The following SPOCK3 variants were observed in gnomAD, a reference collection of about 807,000 sequenced individuals.
SPOCK3 encodes testican-3.
Under a neutral mutation model 56.6 loss-of-function variants are expected in SPOCK3, and 30 were observed. The ratio of observed to expected loss-of-function variants is 0.53; its 90% CI spans 0.40 to 0.72. The LOEUF (loss-of-function observed/expected upper bound fraction) is 0.72. Among genes scored for constraint, SPOCK3 ranks in the 30% least tolerant of loss-of-function variants. The probability of loss-of-function intolerance (pLI) is 0.00; values close to 1 mark genes in which losing one functional copy is unlikely to be tolerated. For synonymous variants in SPOCK3, 196 were observed against 183.3 expected (o/e 1.07, Z -0.56); for missense variants, 527 against 530.0 (o/e 0.99, Z 0.06).
At chr4:166,997,949 C>T (rs1299229295) in intron 4 of SPOCK3, among the ~76,000 whole-genome samples, 2 of 152,132 alleles carry the variant, frequency 1.3e-5, no homozygotes, top group Non-Finnish European at 2.9e-5. Flanking sequence ...ATTAAGCCGT[C>T]TTTCCCTGCT....
chr4:167,007,823 G>A (rs1016856591), intron 3 of SPOCK3, among the ~76,000 whole-genome samples: 5 of 152,032 alleles, frequency 3.3e-5, no homozygotes, highest in African/African-American at 9.7e-5. Flanking sequence ...TCCTCCTCTC[G>A]TGAGTGAAGG....
Position 167,194,350 on chromosome 4 carries a change from T to C in SPOCK3, c.189+39635A>G, listed in dbSNP as rs577287862. ...TTTGTTTAGTTGCCTACATGCATTC[T>C]CTTGCATCTCATTGAGATGAAAGAT... On this transcript the variant is annotated intron_variant, in intron 2 of 10. Transcript: ENST00000357545. Among the ~76,000 whole-genome samples, 20 of 115,724 alleles carry C rather than the reference T, an allele frequency of 1.7e-4. 2 individuals carry two copies. The highest frequency in any genetic ancestry group is 1.4e-3 in the Admixed American group (14 of 10,306). 75.9% of individuals were successfully genotyped at this position (115,724 alleles called of 152,430 possible).
intron 4 of SPOCK3, among the ~76,000 whole-genome samples, chr4:166,998,702 C>G (rs994768790): frequency 1.3e-5 from 2 of 152,032 alleles, no homozygotes; most frequent in African/African-American, 2.4e-5. Context: ...GCAGGTGAAT[C>G]TTTTCAAAGC....
chr4:166,858,078 G>A (rs1372135247), intron 6 of SPOCK3, among the ~76,000 whole-genome samples: 4 of 152,170 alleles, frequency 2.6e-5, no homozygotes, highest in African/African-American at 4.8e-5. Flanking sequence ...GTGTATTCCT[G>A]TAGTACCTAG....
rs140313774 is a variant in SPOCK3, at chr4:166,992,240, A to G, written c.350+8109T>C. Reference sequence around the variant, plus strand: ...GTGGAACTGAGTGGTCTGCGGAGGAAAGAATCAAATCTGTACTCCTTTCCA... The same window carrying G: ...GTGGAACTGAGTGGTCTGCGGAGGAGAGAATCAAATCTGTACTCCTTTCCA... On this transcript the variant is annotated intron_variant, in intron 4 of 10. Coordinates refer to ENST00000357545, the MANE Select transcript of SPOCK3 (RefSeq NM_001040159.2). 8.8e-3 allele frequency among the ~76,000 whole-genome samples: 1,341 copies of G among 152,166 alleles called. 20 individuals are homozygous for G. Among genetic ancestry groups the G allele is most frequent in the African/African-American group, 0.03 (1,253 of 41,540 alleles).
At chr4:166,762,742 TAAATG>T (rs1314035818) in intron 7 of SPOCK3, among the ~76,000 whole-genome samples, 1 of 151,840 alleles carries the variant, frequency 6.6e-6, no homozygotes, top group Non-Finnish European at 1.5e-5. Flanking sequence ...AAACATACAA[TAAATG>T]AAATGAAATA....
At chr4:166,880,713 C>T (rs533392701) in intron 6 of SPOCK3, among the ~76,000 whole-genome samples, 1 of 152,084 alleles carries the variant, frequency 6.6e-6, no homozygotes, top group South Asian at 2.1e-4. Flanking sequence ...TAAAGTCAAT[C>T]GACAAGGCAT....
At chr4:166,854,184 G>C (rs1730424014) in intron 6 of SPOCK3, among the ~76,000 whole-genome samples, 3 of 152,248 alleles carry the variant, frequency 2.0e-5, no homozygotes, top group Admixed American at 2.0e-4. Flanking sequence ...TCCTACATCA[G>C]CAAACCTTAG....
intron 6 of SPOCK3, among the ~76,000 whole-genome samples, chr4:166,810,129 T>C (rs2126721206): frequency 6.6e-6 from 1 of 152,180 alleles, no homozygotes; most frequent in African/African-American, 2.4e-5. Flanking sequence ...GTTGAACCCT[T>C]CCCCAAATCA....
intron 6 of SPOCK3, among the ~76,000 whole-genome samples, chr4:166,869,916 A>G (rs1176237912): frequency 6.6e-6 from 1 of 152,040 alleles, no homozygotes; most frequent in Non-Finnish European, 1.5e-5. Flanking sequence ...TAATTGCTGG[A>G]GGCTGAGTGT....
In SPOCK3 at chr4:166,906,358, C is replaced by T. The variant is rs527765634; in HGVS notation, c.474+6262G>A. Among the ~76,000 whole-genome samples, 12 of 151,840 alleles carry T rather than the reference C, an allele frequency of 7.9e-5. No homozygotes were observed. The South Asian group carries it at 2.1e-3, about 26-fold the overall frequency. ...CTTTTTTAAAAATTTTGTGTAGAAA[C>T]GGGTTTTTGCCATGTTGCCAATGCT... On this transcript the variant is annotated intron_variant, in intron 5 of 10. Transcript: ENST00000357545.
chr4:167,018,734 C>T (rs1264860028), intron 3 of SPOCK3, among the ~76,000 whole-genome samples: 1 of 151,958 alleles, frequency 6.6e-6, no homozygotes, highest in African/African-American at 2.4e-5. Flanking sequence ...AGTTGGAATG[C>T]CACCTGTCCT....
intron 7 of SPOCK3, among the ~76,000 whole-genome samples, chr4:166,772,264 A>G (rs1739032709): frequency 1.3e-5 from 2 of 152,156 alleles, no homozygotes; most frequent in Admixed American, 6.5e-5. Context: ...CAAAAAGTAC[A>G]TAAAATATAT....
intron 2 of SPOCK3, among the ~76,000 whole-genome samples, chr4:167,223,444 G>C (rs1736271582): frequency 2.7e-5 from 4 of 150,460 alleles, no homozygotes; most frequent in African/African-American, 9.8e-5. Flanking sequence ...TATATTTAAA[G>C]TGCCTAGCAT....
chr4:167,158,649 C>T (rs905942966), intron 2 of SPOCK3, among the ~76,000 whole-genome samples: 11 of 151,884 alleles, frequency 7.2e-5, no homozygotes, highest in African/African-American at 2.7e-4. Context: ...TTAGTAAAAG[C>T]CTAAGATTAT....
chr4:167,010,890 T>C (rs1164525558), intron 3 of SPOCK3, among the ~76,000 whole-genome samples: 1 of 152,134 alleles, frequency 6.6e-6, no homozygotes, highest in African/African-American at 2.4e-5. Context: ...GATTTGTGAC[T>C]AATGTGATCT....
intron 4 of SPOCK3, among the ~76,000 whole-genome samples, chr4:166,953,707 T>C (rs900926631): frequency 6.6e-6 from 1 of 152,198 alleles, no homozygotes; most frequent in Non-Finnish European, 1.5e-5. Context: ...AATGATAGAC[T>C]GGATTAAGGA....
chr4:167,089,347 A>G (rs1003173189), intron 2 of SPOCK3, among the ~76,000 whole-genome samples: 5 of 152,060 alleles, frequency 3.3e-5, no homozygotes, highest in Admixed American at 1.3e-4. Flanking sequence ...GAGTTAAGAT[A>G]TTCTATCTTA....
chr4:166,919,846 G>T (rs924648920), intron 4 of SPOCK3, among the ~76,000 whole-genome samples: 2 of 152,242 alleles, frequency 1.3e-5, no homozygotes, highest in South Asian at 4.1e-4. Context: ...ATCATTGAAA[G>T]AAGTGTTAGA....
Sources: gnomAD v4.1 joint callset for allele counts (sites outside exome capture counted in the v4.1 genomes callset) on GRCh38, gnomAD v4.1.1 for gene constraint, MANE v1.5 for transcripts, NCBI Gene and HGNC (gene_info 2026-07-23, HGNC 2026-07-21) for gene names.